The following LMO1 variants were observed in gnomAD, a reference collection of about 807,000 sequenced individuals.
The protein encoded by LMO1 is LIM domain only 1.
LMO1 carries 10 observed loss-of-function variants against 18.0 expected under a neutral mutation model. The observed-to-expected ratio is 0.55, with a 90% CI of 0.34 to 0.94. The LOEUF (loss-of-function observed/expected upper bound fraction) is 0.94. Among genes scored for constraint, LMO1 ranks in the 40% least tolerant of loss-of-function variants. The pLI, the probability that LMO1 is intolerant of heterozygous loss-of-function variation, is 0.02. For synonymous variants in LMO1, 77 were observed against 77.9 expected, an observed-to-expected ratio of 0.99 and a Z score of 0.06; for missense variants, 183 against 205.7, an observed-to-expected ratio of 0.89 and a Z score of 0.68.
intron 1 of LMO1, among the ~76,000 whole-genome samples, chr11:8,231,290 C>G (rs768513031): frequency 4.6e-5 from 7 of 152,216 alleles, no homozygotes; most frequent in Non-Finnish European, 1.0e-4. Context: ...GCACCAAGTA[C>G]AAAGGGCCCA....
At chr11:8,244,799 C>T (rs1012340310) in intron 1 of LMO1, among the ~76,000 whole-genome samples, 7 of 152,172 alleles carry the variant, frequency 4.6e-5, no homozygotes, top group Non-Finnish European at 8.8e-5. Flanking sequence ...CTGGAAACCC[C>T]TCATGGTTTT....
chr11:8,242,440 C>T (rs1846811983), intron 1 of LMO1, among the ~76,000 whole-genome samples: 1 of 152,184 alleles, frequency 6.6e-6, no homozygotes, highest in South Asian at 2.1e-4. Flanking sequence ...AATGACTACT[C>T]TTCCCTGTCA....
upstream of LMO1, chr11:8,268,454 C>G (rs1847283587): frequency 1.4e-6 from 2 of 1,456,444 alleles, no homozygotes; most frequent in Non-Finnish European, 1.8e-6. Flanking sequence ...ACCATGGTCC[C>G]GACGGCTCCA....
At chr11:8,254,456 A>C (rs1847055606) in intron 1 of LMO1, among the ~76,000 whole-genome samples, 1 of 152,236 alleles carries the variant, frequency 6.6e-6, no homozygotes, top group African/African-American at 2.4e-5. Flanking sequence ...CTAGGGGCCA[A>C]CCAATGAATT....
Position 8,230,373 on chromosome 11 carries a change from A to G in LMO1, c.157T>C (p.Cys53Arg). The change falls in exon 2 of 4, where the codon TGC becomes CGC. Residue 53 changes from cysteine (C) to arginine (R), a missense_variant. By Grantham distance (180) the Cys-to-Arg change is radical. Transcript: ENST00000335790. The part of the protein sequence containing the change: ...YWHEDCLKCA[C>R]CDCRLGEVGS... Reference sequence around the variant, plus strand: ...ACCTCGCCCAGGCGGCAGTCACAGCAGGCACACTTGAGGCAGTCTTCGTGC... The same window carrying G: ...ACCTCGCCCAGGCGGCAGTCACAGCGGGCACACTTGAGGCAGTCTTCGTGC... 6.2e-7 allele frequency: 1 copy of G among 1,614,160 alleles called. No individual in the cohort carries two copies. The highest frequency in any genetic ancestry group is 1.3e-5 in the African/African-American group (1 of 75,062).
intron 1 of LMO1, among the ~76,000 whole-genome samples, chr11:8,251,582 C>T (rs1590554516): frequency 6.6e-6 from 1 of 152,094 alleles, no homozygotes; most frequent in Admixed American, 6.5e-5. Flanking sequence ...ACTGGGGTGG[C>T]TTTGTAGGGC....
At chr11:8,256,169 G>GTGTTTTT (rs1847094849) in intron 1 of LMO1, among the ~76,000 whole-genome samples, 1 of 152,198 alleles carries the variant, frequency 6.6e-6, no homozygotes, top group African/African-American at 2.4e-5. Flanking sequence ...GATAGCTATA[G>GTGTTTTT]TGTTTTATGA....
rs751290893 is a variant in LMO1 at position 8,224,614 on chromosome 11, C to T, written c.*2G>A. The T allele has an allele frequency of 9.5e-6, 15 of 1,586,054 alleles. No individual in the cohort carries two copies. In the East Asian group the frequency reaches 1.4e-4, roughly 14 times the overall value. On this transcript the variant is annotated 3_prime_UTR_variant, in exon 4 of 4. Transcript: ENST00000335790. The stretch of plus-strand genomic sequence containing the variant: ...ACGGGCCTGGAGGCCAGGCGCCGGG[C>T]GTTACTGAACTTGGGATTCAAAGGT...
At chr11:8,233,018 G>C (rs1364462742) in intron 1 of LMO1, among the ~76,000 whole-genome samples, 1 of 152,202 alleles carries the variant, frequency 6.6e-6, no homozygotes, top group Admixed American at 6.5e-5. Flanking sequence ...GCCATGAGGG[G>C]TGAAGCTGCC....
chr11:8,266,470 C>T (rs1042585023), upstream of LMO1, among the ~76,000 whole-genome samples: 1 of 151,670 alleles, frequency 6.6e-6, no homozygotes, highest in Non-Finnish European at 1.5e-5. Flanking sequence ...AGGTAGTTTT[C>T]CCCCAACACA....
chr11:8,265,317 G>A (rs533115649), upstream of LMO1, among the ~76,000 whole-genome samples: 1 of 152,234 alleles, frequency 6.6e-6, no homozygotes, highest in Non-Finnish European at 1.5e-5. Context: ...CAATGCAGGG[G>A]GATGGGGGGA....
At chr11:8,266,388 C>T (rs867655144), upstream of LMO1, among the ~76,000 whole-genome samples, 1 of 152,086 alleles carries the variant, frequency 6.6e-6, no homozygotes, top group Non-Finnish European at 1.5e-5. Context: ...TCACCCCACC[C>T]AAGCTGCTTC....
At chr11:8,232,854 A>G (rs1001917049) in intron 1 of LMO1, among the ~76,000 whole-genome samples, 4 of 151,940 alleles carry the variant, frequency 2.6e-5, no homozygotes, top group Non-Finnish European at 5.9e-5. Flanking sequence ...CAGCTGTCCC[A>G]CTCTCTCTTC....
chr11:8,263,041 C>G (rs1048257193), intron 1 of LMO1, among the ~76,000 whole-genome samples: 2 of 152,036 alleles, frequency 1.3e-5, no homozygotes, highest in African/African-American at 4.8e-5. Context: ...AGCCTCCGCG[C>G]GGCCCCGCGG....
intron 1 of LMO1, among the ~76,000 whole-genome samples, chr11:8,254,970 G>T (rs1847065230): frequency 6.6e-6 from 1 of 152,016 alleles, no homozygotes. Context: ...GGTTCTTATG[G>T]GTATTAAATG....
In LMO1 at chr11:8,230,301, C is replaced by T. The variant is rs1470323179; in HGVS notation, c.229G>A (p.Asp77Asn). 1 of 1,613,500 alleles carries T rather than the reference C, an allele frequency of 6.2e-7. No individual in the cohort carries two copies. ...TKANLILCRR[D>N]YLRLFGTTGN... Reference sequence around the variant, plus strand: ...GGTTTGGCAGCCCACCTCAGGTAGTCGCGTCGGCACAGGATGAGGTTGGCC... The same window carrying T: ...GGTTTGGCAGCCCACCTCAGGTAGTTGCGTCGGCACAGGATGAGGTTGGCC... The change falls in exon 2 of 4, where the codon GAC (aspartate) becomes AAC (asparagine). Residue 77 changes from aspartate (D) to asparagine (N), a missense_variant. Asp to Asn is a conservative substitution (Grantham distance 23). Coordinates refer to ENST00000335790, the MANE Select transcript of LMO1 (RefSeq NM_002315.3).
chr11:8,263,309 G>T (rs372941788), intron 1 of LMO1, 29 bp downstream of exon 1: 2 of 1,593,406 alleles, frequency 1.3e-6, no homozygotes, highest in African/African-American at 2.7e-5. Context: ...AGGGGGTGAG[G>T]GGCGTCGAGA....
At chr11:8,243,232 TAA>T (rs1846829490) in intron 1 of LMO1, among the ~76,000 whole-genome samples, 1 of 150,362 alleles carries the variant, frequency 6.7e-6, no homozygotes, top group African/African-American at 2.4e-5. Context: ...CAGACCTGGA[TAA>T]GAGAGAGAGA....
chr11:8,267,043 C>T (rs753569083), upstream of LMO1, among the ~76,000 whole-genome samples: 29 of 152,232 alleles, frequency 1.9e-4, no homozygotes, highest in Non-Finnish European at 3.8e-4. Flanking sequence ...GAATTTGCAA[C>T]CCGCTGGAGT....
Sources: allele counts gnomAD v4.1 joint callset (sites outside exome capture counted in the v4.1 genomes callset), GRCh38; gene constraint gnomAD v4.1.1; transcripts MANE v1.5; gene names NCBI Gene and HGNC (gene_info 2026-07-23, HGNC 2026-07-21).